The following SYNE3 variants were observed in gnomAD, a reference collection of about 807,000 sequenced individuals.
SYNE3 encodes the protein spectrin repeat containing nuclear envelope family member 3, also known as nesprin-3.
SYNE3 carries 100 observed loss-of-function variants against 111.2 expected under a neutral mutation model. The observed-to-expected ratio is 0.90, with a 90% CI of 0.77 to 1.06. The LOEUF (loss-of-function observed/expected upper bound fraction) is 1.06. Among genes scored for constraint, SYNE3 ranks in the 50% least tolerant of loss-of-function variants. The probability of loss-of-function intolerance (pLI) is 0.00; values close to 1 mark genes in which losing one functional copy is unlikely to be tolerated. For synonymous variants in SYNE3, 547 were observed against 533.9 expected (o/e 1.02, Z -0.34); for missense variants, 1,160 against 1,240.3 (o/e 0.94, Z 0.97).
Position 95,455,529 on chromosome 14 carries a change from A to G in SYNE3, c.985T>C (p.Ser329Pro). 1 of 1,613,930 alleles carries G rather than the reference A, an allele frequency of 6.2e-7. No homozygotes were observed. The highest frequency in any genetic ancestry group is 8.5e-7 in the Non-Finnish European group (1 of 1,179,992). ...EEERLRGLLR[S>P]RGAWEQQIKQ... ...ATCTGCTGCTCCCAGGCTCCCCTGG[A>G]CCGGAGCAGGCCCCGCAGCCGCTCC... The change falls in exon 6 of 18, where the codon TCC (serine) becomes CCC (proline). Residue 329 changes from serine to proline, a missense_variant. Transcript: ENST00000682763.
chr14:95,455,426 G>A lies in SYNE3; in HGVS notation c.1088C>T (p.Ala363Val), dbSNP rs142727232. Residue 363 changes from alanine to valine, a missense_variant, in exon 6 of 18, where the codon GCG becomes GTG. Ala to Val is a moderately conservative substitution (Grantham distance 64). Coordinates refer to ENST00000682763, the MANE Select transcript of SYNE3 (RefSeq NM_152592.6). ...CAGCTCGTCCTCGGTCCCCGCTTTC[G>A]CCGCAGGCTGCAGGCCCTCCTGGGC... ...RLAQEGLQPA[A>V]KAGTEDELVA... 31 of 1,573,456 alleles carry A rather than the reference G, an allele frequency of 2.0e-5. No individual in the cohort carries two copies. In the East Asian group the frequency reaches 2.0e-4, roughly 10 times the overall value.
In SYNE3 at chr14:95,416,850, C is replaced by A. The variant is rs752774683; in HGVS notation, c.*976G>T. ...TCTCACCTGCAGCTCGAGCTCTCGA[C>A]GATGAAAACTCAGTCCAGGAGCAAC... On this transcript the variant is annotated 3_prime_UTR_variant, in exon 18 of 18. Transcript: ENST00000682763. 1.3e-5 allele frequency: 2 copies of A among 152,314 alleles called. No homozygotes were observed. The highest frequency in any genetic ancestry group is 2.9e-5 in the Non-Finnish European group (2 of 68,102). The allele number at this position is 152,314 out of a possible 1,614,324, so 9.4% of individuals were successfully genotyped here.
intron 1 of SYNE3, among the ~76,000 whole-genome samples, chr14:95,501,643 G>T (rs1890339327): frequency 6.6e-6 from 1 of 152,168 alleles, no homozygotes; most frequent in African/African-American, 2.4e-5. Context: ...TCAAAGGGAG[G>T]GCTGGTCAGG....
rs1903616425 is a variant in SYNE3, at chr14:95,417,456, T to C, written c.*370A>G. ...GTGACATGTTATTGTTCTTGCTTTC[T>C]AGGGTTGACTGCAGACCAAGTCAAC... On this transcript the variant is annotated 3_prime_UTR_variant, in exon 18 of 18. Coordinates refer to ENST00000682763, the MANE Select transcript of SYNE3 (RefSeq NM_152592.6). The C allele has an allele frequency of 7.0e-6, 2 of 286,220 alleles. No individual in the cohort carries two copies. The highest frequency in any genetic ancestry group is 1.4e-5 in the Non-Finnish European group (2 of 146,670). The allele number at this position is 286,220 out of a possible 1,614,324, so 17.7% of individuals were successfully genotyped here.
chr14:95,483,558 C>T (rs1386556818), intron 1 of SYNE3, among the ~76,000 whole-genome samples: 1 of 152,092 alleles, frequency 6.6e-6, no homozygotes, highest in Non-Finnish European at 1.5e-5. Context: ...GGAGGTTGCA[C>T]CAAGAGGATA....
At chr14:95,513,900 T>C (rs1364079283) in intron 1 of SYNE3, among the ~76,000 whole-genome samples, 3 of 151,880 alleles carry the variant, frequency 2.0e-5, no homozygotes, top group Non-Finnish European at 4.4e-5. Flanking sequence ...ATAGGCCATG[T>C]GGTGCCAGGA....
chr14:95,452,107 TA>T, intron 7 of SYNE3, 139 bp downstream of exon 7: 2 of 1,104,914 alleles, frequency 1.8e-6, no homozygotes, highest in Non-Finnish European at 2.5e-6. Context: ...TGAGAACCTC[TA>T]AAAGCCAGTC....
Position 95,455,714 on chromosome 14 carries a change from T to C in SYNE3, c.800A>G (p.Lys267Arg), listed in dbSNP as rs1566665515. ...AGACTCCTCGCCCCTGGGAAAATCTTTGGCAATGTCCTGAAGAGGGTAGAG... is the reference window on the plus strand; with the variant it reads ...AGACTCCTCGCCCCTGGGAAAATCTCTGGCAATGTCCTGAAGAGGGTAGAG... Reference protein sequence around the residue: ...QRLSTLQDIAKDFPRGEESLE... With the variant: ...QRLSTLQDIARDFPRGEESLE... The change falls in exon 6 of 18, where the codon AAA becomes AGA. Residue 267 changes from lysine (K) to arginine (R), a missense_variant. Coordinates refer to ENST00000682763, the MANE Select transcript of SYNE3 (RefSeq NM_152592.6). The C allele has an allele frequency of 2.5e-6, 4 of 1,614,016 alleles. No homozygotes were observed. Among genetic ancestry groups the C allele is most frequent in the Non-Finnish European group, 3.4e-6 (4 of 1,180,026 alleles).
rs757884469 is a variant in SYNE3, at chr14:95,467,922, C to T, written c.190G>A (p.Val64Met). ...AAGAGGGCTTCAGCCATCCGTAGCACGAGGTCCACCCTCACACGCCCCTCG... is the reference window on the plus strand; with the variant it reads ...AAGAGGGCTTCAGCCATCCGTAGCATGAGGTCCACCCTCACACGCCCCTCG... ...EPEGRVRVDLVLRMAEALLAC... is the reference protein window; with the variant it reads ...EPEGRVRVDLMLRMAEALLAC... The change falls in exon 3 of 18, where the codon GTG (valine) becomes ATG (methionine). Residue 64 changes from valine (V) to methionine (M), a missense_variant. Coordinates refer to ENST00000682763, the MANE Select transcript of SYNE3 (RefSeq NM_152592.6). The T allele has an allele frequency of 2.3e-5, 37 of 1,614,002 alleles. No individual in the cohort carries two copies. The highest frequency in any genetic ancestry group is 2.0e-4 in the South Asian group (18 of 91,090).
intron 1 of SYNE3, among the ~76,000 whole-genome samples, chr14:95,487,319 G>C (rs1434349374): frequency 6.6e-6 from 1 of 152,188 alleles, no homozygotes; most frequent in African/African-American, 2.4e-5. Flanking sequence ...ACACCTTGGA[G>C]GTAGGTCCTG....
chr14:95,458,241 C>G (rs1425766289), intron 4 of SYNE3, among the ~76,000 whole-genome samples: 1 of 152,118 alleles, frequency 6.6e-6, no homozygotes, highest in Non-Finnish European at 1.5e-5. Flanking sequence ...CCTAGCACTT[C>G]AAGGACAGGT....
intron 1 of SYNE3, among the ~76,000 whole-genome samples, chr14:95,484,674 T>G (rs889791680): frequency 6.6e-6 from 1 of 152,172 alleles, no homozygotes; most frequent in African/African-American, 2.4e-5. Flanking sequence ...GGTTGTGAAA[T>G]CTACTCAGGG....
At chr14:95,427,263 C>T (rs973428894) in intron 17 of SYNE3, among the ~76,000 whole-genome samples, 3 of 152,146 alleles carry the variant, frequency 2.0e-5, no homozygotes, top group African/African-American at 7.2e-5. Context: ...CTAGCGGTAG[C>T]TTCAGTGCCA....
In SYNE3 at chr14:95,439,674, CT is replaced by C. The variant is rs761656191; in HGVS notation, c.2183del (p.Glu728GlyfsTer13). 24 of 1,613,992 alleles carry C rather than the reference CT, an allele frequency of 1.5e-5. No homozygotes were observed. In the Admixed American group the frequency reaches 3.8e-4, roughly 26 times the overall value. On this transcript the variant is annotated frameshift_variant, in exon 13 of 18. Transcript: ENST00000682763. LOFTEE classifies it high-confidence loss of function. Reference protein sequence around the residue: ...SSPEGAAVVQEELRELAESWR... With the variant: ...SSPEGAAVVQXELRELAESWR... ...ACGACTCTGCCAGCTCCCTGAGCTC[CT>C]CCTGCACCACGGCAGCACCCTCCGG...
At chr14:95,465,885 C>CGTG in intron 4 of SYNE3, 46 bp downstream of exon 4, 1 of 1,522,774 alleles carries the variant, frequency 6.6e-7, no homozygotes, top group Non-Finnish European at 8.9e-7. Context: ...AGGGTGGATA[C>CGTG]ATGGATGGGT....
chr14:95,427,125 T>A (rs151161226), intron 17 of SYNE3, among the ~76,000 whole-genome samples: 1,726 of 152,026 alleles, frequency 0.011, 12 homozygotes, highest in Non-Finnish European at 0.018. Flanking sequence ...TGAGGGGACA[T>A]AGTGAGAAGT....
intron 11 of SYNE3, among the ~76,000 whole-genome samples, chr14:95,441,464 A>G (rs189212929): frequency 2.0e-5 from 3 of 152,260 alleles, no homozygotes; most frequent in Non-Finnish European, 4.4e-5. Flanking sequence ...GGGGAAGGAC[A>G]TATTAGATTA....
Position 95,458,898 on chromosome 14 carries a change from A to G in SYNE3, c.628-1560T>C, listed in dbSNP as rs181375940. Among the ~76,000 whole-genome samples the G allele has an allele frequency of 2.4e-3, 364 of 152,346 alleles. 3 individuals carry two copies. The highest frequency in any genetic ancestry group is 5.0e-3 in the Admixed American group (77 of 15,308). On this transcript the variant is annotated intron_variant, in intron 4 of 17. Transcript: ENST00000682763. ...AAGCACCTATGCTAGGTGTGCATGG[A>G]ACTTCAAAGAGTTATCTTATTTAAC... is the stretch of plus-strand genomic sequence containing the variant.
intron 1 of SYNE3, among the ~76,000 whole-genome samples, chr14:95,503,192 A>G (rs992330348): frequency 3.3e-5 from 5 of 152,260 alleles, no homozygotes; most frequent in African/African-American, 7.2e-5. Flanking sequence ...TTCTAGTCCA[A>G]CCATTTATTA....
Sources: allele counts gnomAD v4.1 joint callset (sites outside exome capture counted in the v4.1 genomes callset), GRCh38; gene constraint gnomAD v4.1.1; transcripts MANE v1.5; gene names NCBI Gene and HGNC (gene_info 2026-07-23, HGNC 2026-07-21).